The following ZBBX variants were observed in gnomAD, a reference collection of about 807,000 sequenced individuals.
The protein encoded by ZBBX is zinc finger B-box domain-containing protein 1.
A neutral mutation model predicts 108.5 loss-of-function variants in ZBBX; 101 were observed. The observed-to-expected ratio is 0.93, with a 90% CI of 0.79 to 1.10. The LOEUF is 1.10. ZBBX is among the 50% of genes least tolerant of loss of function. The pLI, the probability that ZBBX is intolerant of heterozygous loss-of-function variation, is 0.00. For synonymous variants in ZBBX, 356 were observed against 323.4 expected, an observed-to-expected ratio of 1.10 and a Z score of -1.08; for missense variants, 1,009 against 941.4, an observed-to-expected ratio of 1.07 and a Z score of -0.94.
chr3:167,213,059 C>T, the ZBBX span, among the ~76,000 whole-genome samples: 2 of 152,176 alleles, frequency 1.3e-5, no homozygotes, highest in African/African-American at 2.4e-5. Flanking sequence ...ATCTACACTG[C>T]AGTTAAAGGA....
intron 11 of ZBBX, among the ~76,000 whole-genome samples, chr3:167,324,213 T>C (rs184859749): frequency 6.6e-6 from 1 of 152,172 alleles, no homozygotes; most frequent in Admixed American, 6.6e-5. Context: ...GGCATGATCA[T>C]AGCTCACTGT....
At position 167,318,853 on chromosome 3, in the gene ZBBX, T is replaced by C. The variant is rs547489123; in HGVS notation, c.984-1256A>G. Among the ~76,000 whole-genome samples the C allele has an allele frequency of 1.4e-3, 219 of 152,046 alleles. 2 individuals are homozygous for C. The highest frequency in any genetic ancestry group is 5.1e-3 in the African/African-American group (210 of 41,530). ...ATATATACAGCCTGGACATTAGTTA[T>C]AAATGAATTACCTTAAACCTCTGCC... On this transcript the variant is annotated intron_variant, in intron 12 of 21. Coordinates refer to ENST00000675490, the MANE Select transcript of ZBBX (RefSeq NM_001199201.2).
upstream of ZBBX, among the ~76,000 whole-genome samples, chr3:167,383,319 ACTTT>A (rs1475696253): frequency 6.6e-6 from 1 of 152,014 alleles, no homozygotes; most frequent in African/African-American, 2.4e-5. Flanking sequence ...TGAAGCATCT[ACTTT>A]CTTTATGCCT....
the ZBBX span, among the ~76,000 whole-genome samples, chr3:167,178,459 G>A: frequency 9.1e-4 from 138 of 152,244 alleles, no homozygotes; most frequent in African/African-American, 3.0e-3. Flanking sequence ...TGACAGCTTC[G>A]TGATCTGTCC....
chr3:167,215,403 C>G, the ZBBX span, among the ~76,000 whole-genome samples: 1 of 152,072 alleles, frequency 6.6e-6, no homozygotes, highest in Non-Finnish European at 1.5e-5. Context: ...TTCCTGGACA[C>G]ATACACCCTC....
chr3:167,322,840 C>T (rs1014125302), intron 11 of ZBBX, among the ~76,000 whole-genome samples: 6 of 151,924 alleles, frequency 3.9e-5, no homozygotes, highest in African/African-American at 1.5e-4. Context: ...ACGTATCGTT[C>T]CTGTCTCCAA....
intron 16 of ZBBX, among the ~76,000 whole-genome samples, chr3:167,311,016 A>G (rs1215635052): frequency 1.3e-5 from 2 of 152,174 alleles, no homozygotes; most frequent in Non-Finnish European, 2.9e-5. Context: ...ATCGAAGAAG[A>G]GCAAAGTCAG....
At chr3:167,373,197 CTGTAT>C (rs1312877439) in intron 3 of ZBBX, among the ~76,000 whole-genome samples, 1 of 152,046 alleles carries the variant, frequency 6.6e-6, no homozygotes, top group Non-Finnish European at 1.5e-5. Flanking sequence ...AGCATTTATA[CTGTAT>C]TAAGTATTAT....
At chr3:167,255,026 C>A (rs557091872) in intron 20 of ZBBX, among the ~76,000 whole-genome samples, 1 of 151,822 alleles carries the variant, frequency 6.6e-6, no homozygotes, top group South Asian at 2.1e-4. Flanking sequence ...CAAAGGTGAC[C>A]AAATGATATT....
At position 167,314,033 on chromosome 3, in the gene ZBBX, CTCTT is replaced by C; in HGVS notation, c.1354_1357del (p.Lys452GlufsTer4). ...TCTCAGACAAAGATTTAAGAAGTCT[CTCTT>C]TCCCTTATCGAAAACATGATGTTGA... On this transcript the variant is annotated frameshift_variant, in exon 16 of 22. Coordinates refer to ENST00000675490, the MANE Select transcript of ZBBX (RefSeq NM_001199201.2). LOFTEE classifies it high-confidence loss of function. 1.9e-6 allele frequency: 3 copies of C among 1,607,762 alleles called. No individual in the cohort carries two copies. Among genetic ancestry groups the C allele is most frequent in the Non-Finnish European group, 2.5e-6 (3 of 1,176,936 alleles).
chr3:167,373,846 G>A (rs1021098280), intron 2 of ZBBX, 59 bp from the exon 3 acceptor site: 9 of 152,142 alleles, frequency 5.9e-5, no homozygotes, highest in African/African-American at 1.9e-4. Flanking sequence ...AAGCAAGAGG[G>A]ACAGGCACAC....
rs1293500697 is a variant in ZBBX at position 167,323,241 on chromosome 3, G to GCC, written c.863-1005_863-1004insGG. Among the ~76,000 whole-genome samples the GCC allele has an allele frequency of 4.5e-4, 63 of 139,330 alleles. 1 individual carries two copies. The highest frequency in any genetic ancestry group is 1.3e-3 in the African/African-American group (46 of 34,356). 91.4% of individuals were successfully genotyped at this position (139,330 alleles called of 152,430 possible). The stretch of plus-strand genomic sequence containing the variant: ...TTCTTGACAGGAGAGCTAAAAGAGG[G>GCC]GGGGGGGGGAAAGAACTCTTTTGTT... On this transcript the variant is annotated intron_variant, in intron 11 of 21. Transcript: ENST00000675490.
chr3:167,343,031 CA>C (rs1362518191), intron 9 of ZBBX, among the ~76,000 whole-genome samples: 1 of 151,852 alleles, frequency 6.6e-6, no homozygotes, highest in Non-Finnish European at 1.5e-5. Context: ...TTGGACTCAT[CA>C]TTAATATTAC....
intron 13 of ZBBX, 136 bp downstream of exon 13, chr3:167,317,352 A>T (rs909990483): frequency 4.3e-6 from 3 of 703,720 alleles, no homozygotes; most frequent in Non-Finnish European, 6.7e-6. Context: ...CATGATTTTC[A>T]TCTAAAGAGA....
chr3:167,211,474 T>C, the ZBBX span, among the ~76,000 whole-genome samples: 116 of 152,192 alleles, frequency 7.6e-4, no homozygotes, highest in Non-Finnish European at 1.4e-3. Flanking sequence ...TGAGCAGCAA[T>C]AGCCTACAGG....
the ZBBX span, among the ~76,000 whole-genome samples, chr3:167,228,583 CATTCCCT>C: frequency 2.0e-5 from 3 of 151,824 alleles, no homozygotes; most frequent in Admixed American, 6.6e-5. Context: ...AATGCGTTTG[CATTCCCT>C]GATGCCCTCC....
At chr3:167,279,137 C>G (rs1264799279) in intron 20 of ZBBX, among the ~76,000 whole-genome samples, 1 of 151,796 alleles carries the variant, frequency 6.6e-6, no homozygotes, top group Admixed American at 6.6e-5. Context: ...AACCCACAGC[C>G]AATATCATAC....
At chr3:167,346,259 T>A (rs1741437517) in intron 9 of ZBBX, among the ~76,000 whole-genome samples, 1 of 151,912 alleles carries the variant, frequency 6.6e-6, no homozygotes, top group African/African-American at 2.4e-5. Flanking sequence ...TAATTAAATA[T>A]TTAACAGAGG....
intron 20 of ZBBX, among the ~76,000 whole-genome samples, chr3:167,268,030 G>C (rs1725870269): frequency 6.6e-6 from 1 of 152,074 alleles, no homozygotes; most frequent in Non-Finnish European, 1.5e-5. Flanking sequence ...GCCCCTCCCT[G>C]AAGGAACTCC....
Sources: gnomAD v4.1 joint callset for allele counts (sites outside exome capture counted in the v4.1 genomes callset) on GRCh38, gnomAD v4.1.1 for gene constraint, MANE v1.5 for transcripts, NCBI Gene and HGNC (gene_info 2026-07-23, HGNC 2026-07-21) for gene names.